Variants in DOC2B observed in about 807,000 individuals in gnomAD.
DOC2B encodes the protein double C2 domain beta, also known as double C2-like domain-containing protein beta.
In DOC2B, 21 loss-of-function variants were observed where a neutral mutation model predicts 28.9. That is an observed-to-expected ratio of 0.73 (90% CI 0.52 to 1.05). DOC2B has a LOEUF of 1.05. Ranked by LOEUF, DOC2B falls within the 50% of genes least tolerant of loss-of-function variation. The probability of loss-of-function intolerance (pLI) is 0.00; values close to 1 mark genes in which losing one functional copy is unlikely to be tolerated. For synonymous variants in DOC2B, 194 were observed against 178.1 expected (o/e 1.09, Z -0.71); for missense variants, 384 against 421.1 (o/e 0.91, Z 0.77).
At chr17:155,212 C>G (rs2040120599) in intron 6 of DOC2B, among the ~76,000 whole-genome samples, 2 of 152,092 alleles carry the variant, frequency 1.3e-5, no homozygotes, top group African/African-American at 4.8e-5. Context: ...AGGATGGTCT[C>G]AAACTCCTAG....
rs2040004410 is a variant in DOC2B at position 144,250 on chromosome 17, A to C, written c.*3191T>G. On this transcript the variant is annotated 3_prime_UTR_variant, in exon 9 of 9. Transcript: ENST00000613549. ...GGCAGAGCCGCTTCTGCAGCTTCTCAAAGCGTTGTTTGTTTGTTTTTTTTC... is the reference window on the plus strand; with the variant it reads ...GGCAGAGCCGCTTCTGCAGCTTCTCCAAGCGTTGTTTGTTTGTTTTTTTTC... 1 of 136,488 alleles carries C rather than the reference A, an allele frequency of 7.3e-6. No homozygotes were observed. The highest frequency in any genetic ancestry group is 7.4e-5 in the Admixed American group (1 of 13,552). The allele number at this position is 136,488 out of a possible 1,614,324, so 8.5% of individuals were successfully genotyped here.
chr17:153,226 C>T (rs1322854497), intron 6 of DOC2B, among the ~76,000 whole-genome samples: 1 of 152,346 alleles, frequency 6.6e-6, no homozygotes, highest in East Asian at 1.9e-4. Flanking sequence ...ACAGCAGCCA[C>T]CTGTGGCAGG....
rs146699695 is a variant in DOC2B, at chr17:175,743, C to T, written c.374-3127G>A. Among the ~76,000 whole-genome samples, 148 of 152,350 alleles carry T rather than the reference C, an allele frequency of 9.7e-4. 1 individual carries two copies. Among genetic ancestry groups the T allele is most frequent in the African/African-American group, 3.3e-3 (137 of 41,586 alleles). On this transcript the variant is annotated intron_variant, in intron 1 of 8. Coordinates refer to ENST00000613549, the MANE Select transcript of DOC2B (RefSeq NM_003585.5). Reference sequence around the variant, plus strand: ...CCTGTTTCCCAACCCCAGAGAAGGACAGCCAGAAGACAGAGCGGCTGCCTG... The same window carrying T: ...CCTGTTTCCCAACCCCAGAGAAGGATAGCCAGAAGACAGAGCGGCTGCCTG...
intron 6 of DOC2B, among the ~76,000 whole-genome samples, chr17:150,866 A>G (rs996490512): frequency 2.6e-5 from 4 of 152,258 alleles, no homozygotes; most frequent in African/African-American, 7.2e-5. Context: ...CTCCTGGTAC[A>G]TGCAACTGAC....
At chr17:150,823 A>G (rs990135666) in intron 6 of DOC2B, among the ~76,000 whole-genome samples, 1 of 152,214 alleles carries the variant, frequency 6.6e-6, no homozygotes, top group African/African-American at 2.4e-5. Flanking sequence ...TACCCACACA[A>G]TGGAAGACCA....
intron 1 of DOC2B, among the ~76,000 whole-genome samples, chr17:175,010 C>T (rs1343715588): frequency 5.9e-5 from 9 of 152,126 alleles, no homozygotes; most frequent in East Asian, 1.9e-4. Flanking sequence ...GAGGCTGAGA[C>T]GGGTGGATCA....
At chr17:162,302 T>C in intron 3 of DOC2B, 112 bp from the exon 4 acceptor site, 2 of 774,748 alleles carry the variant, frequency 2.6e-6, no homozygotes, top group Non-Finnish European at 4.4e-6. Flanking sequence ...GTTATCAACA[T>C]GGCCAAGTGG....
chr17:150,028 C>A (rs1396315455), intron 6 of DOC2B, among the ~76,000 whole-genome samples: 1 of 152,188 alleles, frequency 6.6e-6, no homozygotes, highest in Non-Finnish European at 1.5e-5. Context: ...AGGCCTTAGG[C>A]TCTGATGCAG....
In DOC2B at chr17:180,205, G is replaced by T. The variant is rs531951338; in HGVS notation, c.373+902C>A. Among the ~76,000 whole-genome samples, 4 of 152,344 alleles carry T rather than the reference G, an allele frequency of 2.6e-5. No individual in the cohort carries two copies. The East Asian group carries it at 7.7e-4, about 29-fold the overall frequency. ...GGTTCTCACATGCCATCCCCACCCC[G>T]CGCAAACCGACTCCTCACTGGACTG... On this transcript the variant is annotated intron_variant, in intron 1 of 8. Transcript: ENST00000613549.
chr17:174,003 C>G (rs1170362555), intron 1 of DOC2B, among the ~76,000 whole-genome samples: 1 of 152,202 alleles, frequency 6.6e-6, no homozygotes, highest in East Asian at 1.9e-4. Context: ...CTATCCAGCC[C>G]TTCTTTATAG....
At chr17:148,666 G>A (rs1250488391) in intron 7 of DOC2B, among the ~76,000 whole-genome samples, 1 of 152,124 alleles carries the variant, frequency 6.6e-6, no homozygotes, top group Non-Finnish European at 1.5e-5. Flanking sequence ...TCCCCTGCCT[G>A]CCTCTGGATC....
At chr17:157,533 C>T (rs1276098368) in intron 5 of DOC2B, among the ~76,000 whole-genome samples, 1 of 152,216 alleles carries the variant, frequency 6.6e-6, no homozygotes, top group Non-Finnish European at 1.5e-5. Context: ...ATGATCTTGG[C>T]TCACTACAAC....
intron 6 of DOC2B, among the ~76,000 whole-genome samples, chr17:153,287 G>A (rs1487949749): frequency 1.3e-5 from 2 of 152,250 alleles, no homozygotes; most frequent in Non-Finnish European, 1.5e-5. Flanking sequence ...CCCCCCGCCT[G>A]CCTGTGGAAG....
chr17:148,258 G>A lies in DOC2B; in HGVS notation c.1017C>T (p.Tyr339=), dbSNP rs1049297039. Residue 339 remains tyrosine (Y), a synonymous_variant, in exon 8 of 9, where the codon TAC becomes TAT. Transcript: ENST00000613549. ...TGGCCAGGTCCCCATGCTTGATCTC[G>A]TAACAGAACTCCTGCTGGCAAGAAG... is the stretch of plus-strand genomic sequence containing the variant. ...LNPEFNEEFC[Y]EIKHGDLAKK... The A allele has an allele frequency of 8.3e-5, 33 of 398,520 alleles. No homozygotes were observed. The highest frequency in any genetic ancestry group is 1.1e-4 in the East Asian group (3 of 28,070). The allele number at this position is 398,520 out of a possible 1,614,324, so 24.7% of individuals were successfully genotyped here.
intron 1 of DOC2B, among the ~76,000 whole-genome samples, chr17:174,369 CG>C (rs1567538699): frequency 6.6e-6 from 1 of 152,172 alleles, no homozygotes; most frequent in African/African-American, 2.4e-5. Context: ...AGTGTGCCTG[CG>C]GTGTAGGAGG....
intron 5 of DOC2B, among the ~76,000 whole-genome samples, chr17:156,636 G>T (rs1214919466): frequency 6.6e-6 from 1 of 152,204 alleles, no homozygotes; most frequent in African/African-American, 2.4e-5. Flanking sequence ...GCCCAGCAAG[G>T]GCCAGCCCAG....
Position 147,404 on chromosome 17 carries a change from C to T in DOC2B, c.*37G>A, listed in dbSNP as rs940352340. The T allele has an allele frequency of 2.8e-4, 113 of 398,862 alleles. No homozygotes were observed. The East Asian group carries it at 3.3e-3, about 12-fold the overall frequency. 24.7% of individuals were successfully genotyped at this position (398,862 alleles called of 1,614,324 possible). A position where few individuals can be genotyped will look rare whatever the true frequency, so the allele number is the denominator to read the frequency against. ...GAAGCCCGGGGCCGGCCGTGCTGGG[C>T]GCAGGTGGCGGCAGGGGTAGCAGTG... On this transcript the variant is annotated 3_prime_UTR_variant, in exon 9 of 9. Coordinates refer to ENST00000613549, the MANE Select transcript of DOC2B (RefSeq NM_003585.5).
At chr17:164,028 G>A (rs991753473) in intron 3 of DOC2B, 102 bp downstream of exon 3, 4 of 898,136 alleles carry the variant, frequency 4.5e-6, no homozygotes, top group Non-Finnish European at 5.2e-6. Flanking sequence ...CTCCCTGGGT[G>A]CCCGCAGCCC....
At chr17:155,639 C>T (rs1459712326) in intron 6 of DOC2B, among the ~76,000 whole-genome samples, 2 of 152,312 alleles carry the variant, frequency 1.3e-5, no homozygotes, top group East Asian at 1.9e-4. Flanking sequence ...CCAGCTCCTG[C>T]CTGGCTCTCA....
Sources: allele counts gnomAD v4.1 joint callset (sites outside exome capture counted in the v4.1 genomes callset), GRCh38; gene constraint gnomAD v4.1.1; transcripts MANE v1.5; gene names NCBI Gene and HGNC (gene_info 2026-07-23, HGNC 2026-07-21).